SLC5A1: variants seen among roughly 807,000 people sequenced by gnomAD.
SLC5A1 encodes the protein solute carrier family 5 member 1.
Under a neutral mutation model 73.5 loss-of-function variants are expected in SLC5A1, and 42 were observed. The ratio of observed to expected loss-of-function variants is 0.57; its 90% CI spans 0.45 to 0.74. The LOEUF (loss-of-function observed/expected upper bound fraction) is 0.74. Ranked by LOEUF, SLC5A1 falls within the 30% of genes least tolerant of loss-of-function variation. The pLI, the probability that SLC5A1 is intolerant of heterozygous loss-of-function variation, is 0.00. For missense variants in SLC5A1, 634 were observed against 855.4 expected, an observed-to-expected ratio of 0.74 and a Z score of 3.23; for synonymous variants, 300 against 317.4, an observed-to-expected ratio of 0.95 and a Z score of 0.58.
intron 11 of SLC5A1, among the ~76,000 whole-genome samples, chr22:32,094,918 T>C (rs1334731368): frequency 1.2e-4 from 19 of 152,130 alleles, no homozygotes; most frequent in Non-Finnish European, 4.4e-5. Flanking sequence ...CTCTAGTTCC[T>C]TGAGGTGTGA....
rs751571109 is a variant in SLC5A1 at position 32,091,714 on chromosome 22, C to A, written c.1232C>A (p.Ala411Asp). The change falls in exon 11 of 15, where the codon GCC (alanine) becomes GAC (aspartate). Residue 411 changes from alanine to aspartate, a missense_variant. Physicochemically the swap from Ala to Asp is moderately radical, Grantham distance 126. Coordinates refer to ENST00000266088, the MANE Select transcript of SLC5A1 (RefSeq NM_000343.4). The stretch of plus-strand genomic sequence containing the variant: ...ACCCTCTTCACCATGGACATCTACG[C>A]CAAGGTCCGCAAGAGAGCATCTGAG... The part of the protein sequence containing the change: ...ASTLFTMDIY[A>D]KVRKRASEKE... 5 of 1,614,074 alleles carry A rather than the reference C, an allele frequency of 3.1e-6. No homozygotes were observed. Among genetic ancestry groups the A allele is most frequent in the Non-Finnish European group, 4.2e-6 (5 of 1,179,982 alleles).
chr22:32,107,321 T>C (rs1485857095), intron 14 of SLC5A1, among the ~76,000 whole-genome samples: 1 of 152,226 alleles, frequency 6.6e-6, no homozygotes, highest in Non-Finnish European at 1.5e-5. Context: ...ATTATTTTTA[T>C]GCCAGAAGGC....
At position 32,043,610 on chromosome 22, in the gene SLC5A1, G is replaced by T. The variant is rs566707628; in HGVS notation, c.135+194G>T. Among the ~76,000 whole-genome samples, 2 of 152,226 alleles carry T rather than the reference G, an allele frequency of 1.3e-5. No homozygotes were observed. Among genetic ancestry groups the T allele is most frequent in the South Asian group, 4.2e-4 (2 of 4,818 alleles). On this transcript the variant is annotated intron_variant, in intron 1 of 14. Coordinates refer to ENST00000266088, the MANE Select transcript of SLC5A1 (RefSeq NM_000343.4). This position sits in a 1 kb window ranked among gnomAD's most constrained non-coding sequence, Gnocchi z 6.5. ...AGCAAGGATGAGCAGAAGTGAGAAG[G>T]GTGCCCAGGGCAGCCTGCCAGGAAG...
At chr22:32,058,033 A>T (rs1439308839) in intron 2 of SLC5A1, among the ~76,000 whole-genome samples, 1 of 152,226 alleles carries the variant, frequency 6.6e-6, no homozygotes, top group Non-Finnish European at 1.5e-5. Context: ...AAAGTATTTT[A>T]AAAATGCACT....
intron 11 of SLC5A1, 76 bp downstream of exon 11, chr22:32,091,838 G>A: frequency 1.3e-6 from 2 of 1,515,090 alleles, no homozygotes; most frequent in Non-Finnish European, 1.8e-6. Flanking sequence ...CTCAAGCTAG[G>A]GAAGGTTGGC....
chr22:32,091,637 C>T lies in SLC5A1; in HGVS notation c.1155C>T (p.Val385=). The T allele has an allele frequency of 6.2e-7, 1 of 1,614,144 alleles. No individual in the cohort carries two copies. Among genetic ancestry groups the T allele is most frequent in the South Asian group, 1.1e-5 (1 of 91,080 alleles). ...GACTGCGAGGCCTGATGCTATCAGTCATGCTGGCCTCCCTCATGAGCTCCC... is the reference window on the plus strand; with the variant it reads ...GACTGCGAGGCCTGATGCTATCAGTTATGCTGGCCTCCCTCATGAGCTCCC... The part of the protein sequence containing the change: ...PNGLRGLMLS[V]MLASLMSSLT... The change falls in exon 11 of 15, where the codon GTC becomes GTT. Residue 385 remains valine, a synonymous_variant. Coordinates refer to ENST00000266088, the MANE Select transcript of SLC5A1 (RefSeq NM_000343.4).
At chr22:32,102,339 A>G (rs998208653) in intron 13 of SLC5A1, 102 bp downstream of exon 13, 2 of 838,664 alleles carry the variant, frequency 2.4e-6, no homozygotes, top group Admixed American at 1.8e-5. Context: ...TAATAGTTGT[A>G]TATAATTATG....
chr22:32,077,281 T>A (rs1448224479), intron 5 of SLC5A1, among the ~76,000 whole-genome samples: 1 of 149,232 alleles, frequency 6.7e-6, no homozygotes, highest in Admixed American at 6.7e-5. Flanking sequence ...TCTTTCTCTC[T>A]CCCTCTGTTA....
intron 2 of SLC5A1, among the ~76,000 whole-genome samples, chr22:32,061,447 T>G (rs1416024083): frequency 6.6e-6 from 1 of 151,920 alleles, no homozygotes; most frequent in Non-Finnish European, 1.5e-5. Context: ...GAGAAATGAT[T>G]TTGCCTGATG....
chr22:32,054,871 C>T (rs2093949500), intron 2 of SLC5A1, among the ~76,000 whole-genome samples: 1 of 152,090 alleles, frequency 6.6e-6, no homozygotes, highest in East Asian at 1.9e-4. Context: ...GACAGGGTTT[C>T]ACCATGTTGG....
At chr22:32,068,427 C>T in intron 4 of SLC5A1, 69 bp from the exon 5 acceptor site, 2 of 944,700 alleles carry the variant, frequency 2.1e-6, no homozygotes, top group Non-Finnish European at 3.5e-6. Flanking sequence ...AGGATGGTGT[C>T]ACTGTTCTGT....
At chr22:32,086,578 T>A (rs1392040467) in intron 10 of SLC5A1, among the ~76,000 whole-genome samples, 1 of 152,166 alleles carries the variant, frequency 6.6e-6, no homozygotes, top group Non-Finnish European at 1.5e-5. Context: ...GGAGATGATC[T>A]GAAAACTTGT....
chr22:32,079,160 A>T (rs1314913044), intron 5 of SLC5A1, among the ~76,000 whole-genome samples: 4 of 152,106 alleles, frequency 2.6e-5, no homozygotes, highest in African/African-American at 9.7e-5. Context: ...AAACAACCCT[A>T]GTGGGTTTGT....
chr22:32,065,105 A>C (rs2093970553), intron 2 of SLC5A1, among the ~76,000 whole-genome samples: 1 of 151,978 alleles, frequency 6.6e-6, no homozygotes, highest in Non-Finnish European at 1.5e-5. Context: ...CACCATGCCC[A>C]GCTAAGTTTT....
intron 12 of SLC5A1, among the ~76,000 whole-genome samples, chr22:32,100,476 A>G (rs1477747656): frequency 6.6e-6 from 1 of 152,130 alleles, no homozygotes; most frequent in African/African-American, 2.4e-5. Flanking sequence ...TTTGTCATAT[A>G]TAGCTTATAA....
intron 5 of SLC5A1, among the ~76,000 whole-genome samples, chr22:32,072,965 T>A (rs969995770): frequency 2.0e-5 from 3 of 152,180 alleles, no homozygotes; most frequent in Admixed American, 6.5e-5. Context: ...CTTGCAAAAA[T>A]TTTTTTCCCA....
At chr22:32,091,902 G>T in intron 11 of SLC5A1, 140 bp downstream of exon 11, 2 of 727,482 alleles carry the variant, frequency 2.7e-6, no homozygotes, top group Non-Finnish European at 2.4e-6. Context: ...TGTGCCATTT[G>T]GTGGCATTTA....
At position 32,091,715 on chromosome 22, in the gene SLC5A1, C is replaced by G. The variant is rs2094018051; in HGVS notation, c.1233C>G (p.Ala411=). Residue 411 remains alanine (A), a synonymous_variant, in exon 11 of 15, where the codon GCC becomes GCG. Coordinates refer to ENST00000266088, the MANE Select transcript of SLC5A1 (RefSeq NM_000343.4). The part of the protein sequence containing the change: ...ASTLFTMDIY[A]KVRKRASEKE... Reference sequence around the variant, plus strand: ...CCCTCTTCACCATGGACATCTACGCCAAGGTCCGCAAGAGAGCATCTGAGA... The same window carrying G: ...CCCTCTTCACCATGGACATCTACGCGAAGGTCCGCAAGAGAGCATCTGAGA... 3.1e-6 allele frequency: 5 copies of G among 1,613,922 alleles called. No individual in the cohort carries two copies. Among genetic ancestry groups the G allele is most frequent in the Non-Finnish European group, 4.2e-6 (5 of 1,179,994 alleles).
intron 2 of SLC5A1, among the ~76,000 whole-genome samples, chr22:32,051,587 T>C (rs2093945144): frequency 1.3e-5 from 2 of 152,042 alleles, no homozygotes; most frequent in Admixed American, 6.6e-5. Flanking sequence ...TCTGGGAAGG[T>C]GAAGGCTACA....
Sources: allele counts gnomAD v4.1 joint callset (sites outside exome capture counted in the v4.1 genomes callset), GRCh38; gene constraint gnomAD v4.1.1; non-coding constraint Gnocchi (gnomAD v3.1); transcripts MANE v1.5; gene names NCBI Gene and HGNC (gene_info 2026-07-23, HGNC 2026-07-21).